EPAS1: variants seen among roughly 807,000 people sequenced by gnomAD.
EPAS1 encodes endothelial PAS domain-containing protein 1.
EPAS1 carries 23 observed loss-of-function variants against 87.9 expected under a neutral mutation model. The ratio of observed to expected loss-of-function variants is 0.26; its 90% CI spans 0.19 to 0.37. EPAS1 has a LOEUF of 0.37. EPAS1 is among the 10% of genes least tolerant of loss of function. The pLI is 1.00. For missense variants in EPAS1, 1,138 were observed against 1,120.7 expected (o/e 1.02, Z -0.22); for synonymous variants, 508 against 444.3 (o/e 1.14, Z -1.80).
Position 46,380,349 on chromosome 2 carries a change from C to A in EPAS1, c.1677C>A (p.Thr559=), listed in dbSNP as rs147377225. The change falls in exon 12 of 16, where the codon ACC becomes ACA. Residue 559 remains threonine (T), a synonymous_variant. Transcript: ENST00000263734. This position sits in a 1 kb window ranked among gnomAD's most constrained non-coding sequence, Gnocchi z 4.4. ...TCTTGGCGGAGAACCCACAGTCCACCCCCCAGCACTGCTTCAGTGCCATGA... is the reference window on the plus strand; with the variant it reads ...TCTTGGCGGAGAACCCACAGTCCACACCCCAGCACTGCTTCAGTGCCATGA... ...ERLLAENPQS[T]PQHCFSAMTN... 61 of 1,614,054 alleles carry A rather than the reference C, an allele frequency of 3.8e-5. No homozygotes were observed. The highest frequency in any genetic ancestry group is 3.6e-5 in the Non-Finnish European group (43 of 1,180,034).
rs1323082444 is a variant in EPAS1, at chr2:46,379,961, TGGGATG to T, written c.1555-261_1555-256del. 5.4e-6 allele frequency: 3 copies of T among 557,032 alleles called. No individual in the cohort carries two copies. In the African/African-American group the frequency reaches 5.7e-5, roughly 11 times the overall value. The allele number at this position is 557,032 out of a possible 1,614,324, so 34.5% of individuals were successfully genotyped here. On this transcript the variant is annotated intron_variant, in intron 11 of 15. Coordinates refer to ENST00000263734, the MANE Select transcript of EPAS1 (RefSeq NM_001430.5). ...AGAGAGAAGGCGGGCTCCGGACAGG[TGGGATG>T]GGGAGAGGAGAACATTTCTCAATGT...
chr2:46,381,266 T>C (rs1684884611), intron 12 of EPAS1: 1 of 397,272 alleles, frequency 2.5e-6, no homozygotes, highest in East Asian at 6.0e-5. Context: ...TACTTGCCCT[T>C]TATAGAGCAG....
At position 46,356,253 on chromosome 2, in the gene EPAS1, A is replaced by G. The variant is rs759569518; in HGVS notation, c.320A>G (p.Asp107Gly). 3.7e-6 allele frequency: 6 copies of G among 1,614,068 alleles called. No individual in the cohort carries two copies. The South Asian group carries it at 6.6e-5, about 18-fold the overall frequency. ...GFIAVVTQDG[D>G]MIFLSENISK... ...ATTGCCGTGGTGACCCAAGATGGCG[A>G]CATGATCTTTCTGTCAGAAAACATC... The change falls in exon 3 of 16, where the codon GAC becomes GGC. Residue 107 changes from aspartate to glycine, a missense_variant. Asp to Gly is a moderately conservative substitution (Grantham distance 94, BLOSUM62 -1). Transcript: ENST00000263734.
At chr2:46,303,297 G>A (rs1683047539) in intron 1 of EPAS1, among the ~76,000 whole-genome samples, 1 of 152,176 alleles carries the variant, frequency 6.6e-6, no homozygotes, top group Admixed American at 6.5e-5. Flanking sequence ...CAGAGTAGGT[G>A]CTGACCACCA....
intron 1 of EPAS1, among the ~76,000 whole-genome samples, chr2:46,329,702 A>G (rs1409089954): frequency 6.6e-6 from 1 of 152,110 alleles, no homozygotes; most frequent in African/African-American, 2.4e-5. Context: ...GGCACCTGTA[A>G]TCCCAGCTAC....
At chr2:46,322,217 A>G (rs1683468864) in intron 1 of EPAS1, among the ~76,000 whole-genome samples, 1 of 152,104 alleles carries the variant, frequency 6.6e-6, no homozygotes, top group Admixed American at 6.5e-5. Context: ...ACAATATACA[A>G]ACCCCTCCTC....
At chr2:46,356,016 ATGGT>A in intron 2 of EPAS1, 131 bp from the exon 3 acceptor site, 1 of 924,500 alleles carries the variant, frequency 1.1e-6, no homozygotes, top group Admixed American at 1.8e-5. Flanking sequence ...AGACATTCAG[ATGGT>A]TGGCAGTATG....
In EPAS1 at chr2:46,297,662, C is replaced by T; in HGVS notation, c.-250C>T. The T allele has an allele frequency of 1.8e-6, 1 of 545,932 alleles. No individual in the cohort carries two copies. The allele number at this position is 545,932 out of a possible 1,614,324, so 33.8% of individuals were successfully genotyped here. A position where few individuals can be genotyped will look rare whatever the true frequency, so the allele number is the denominator to read the frequency against. On this transcript the variant is annotated 5_prime_UTR_variant, in exon 1 of 16. Transcript: ENST00000263734. Reference sequence around the variant, plus strand: ...TCCTCTTTTCGGGTCTGACAGCCTCCACCCACTCCTTCCCCGGACCCCGCC... The same window carrying T: ...TCCTCTTTTCGGGTCTGACAGCCTCTACCCACTCCTTCCCCGGACCCCGCC...
intron 1 of EPAS1, among the ~76,000 whole-genome samples, chr2:46,328,222 G>C (rs1364748475): frequency 6.6e-6 from 1 of 152,192 alleles, no homozygotes; most frequent in African/African-American, 2.4e-5. Context: ...GAAATTGGGG[G>C]CACCTCCTGG....
chr2:46,376,442 G>A, intron 8 of EPAS1, 97 bp from the exon 9 acceptor site: 1 of 1,205,742 alleles, frequency 8.3e-7, no homozygotes, highest in Admixed American at 1.7e-5. Context: ...CCCATTTTTT[G>A]TCGGAGAGCT....
At position 46,297,684 on chromosome 2, in the gene EPAS1, C is replaced by T. The variant is rs916432407; in HGVS notation, c.-228C>T. 2 of 566,694 alleles carry T rather than the reference C, an allele frequency of 3.5e-6. No homozygotes were observed. Among genetic ancestry groups the T allele is most frequent in the Non-Finnish European group, 3.1e-6 (1 of 321,424 alleles). 35.1% of individuals were successfully genotyped at this position (566,694 alleles called of 1,614,324 possible). ...CTCCACCCACTCCTTCCCCGGACCC[C>T]GCCTCCGCGCGCAGGTTCCTCCCAG... On this transcript the variant is annotated 5_prime_UTR_variant, in exon 1 of 16. Transcript: ENST00000263734.
rs1389029519 is a variant in EPAS1 at position 46,384,797 on chromosome 2, G to C, written c.*137G>C. The C allele has an allele frequency of 5.9e-6, 7 of 1,180,458 alleles. No individual in the cohort carries two copies. Among genetic ancestry groups the C allele is most frequent in the Non-Finnish European group, 8.4e-6 (7 of 830,654 alleles). The allele number at this position is 1,180,458 out of a possible 1,614,324, so 73.1% of individuals were successfully genotyped here. On this transcript the variant is annotated 3_prime_UTR_variant, in exon 16 of 16. Transcript: ENST00000263734. ...TGGACTTACCTGGCAGACTTGCCCAGGTCACCAAGCAGTGGCCTTTTTCTG... is the reference window on the plus strand; with the variant it reads ...TGGACTTACCTGGCAGACTTGCCCACGTCACCAAGCAGTGGCCTTTTTCTG...
chr2:46,309,294 G>A (rs986606678), intron 1 of EPAS1, among the ~76,000 whole-genome samples: 7 of 152,312 alleles, frequency 4.6e-5, no homozygotes, highest in South Asian at 2.1e-4. Flanking sequence ...TATGCTGTAC[G>A]GTGAGGTTAC....
At chr2:46,342,850 T>G (rs76181406) in intron 1 of EPAS1, among the ~76,000 whole-genome samples, 1,550 of 152,328 alleles carry the variant, frequency 0.01, 35 homozygotes, top group African/African-American at 0.036. Context: ...TTTGGACATT[T>G]CAGTTTTGTT....
chr2:46,348,659 C>T lies in EPAS1; in HGVS notation c.217+1596C>T, dbSNP rs116698321. Among the ~76,000 whole-genome samples the T allele has an allele frequency of 5.3e-3, 814 of 152,288 alleles. 8 individuals carry two copies. The highest frequency in any genetic ancestry group is 0.018 in the African/African-American group (760 of 41,552). The stretch of plus-strand genomic sequence containing the variant: ...TCCCAATTCCTCCACCCACACAAAG[C>T]CCCAGAAGGGGTAATACAGGTTGAG... On this transcript the variant is annotated intron_variant, in intron 2 of 15. Coordinates refer to ENST00000263734, the MANE Select transcript of EPAS1 (RefSeq NM_001430.5).
chr2:46,384,625 G>A lies in EPAS1; in HGVS notation c.2578G>A (p.Gly860Arg), dbSNP rs769169512. The A allele has an allele frequency of 3.1e-6, 5 of 1,613,954 alleles. No homozygotes were observed. Among genetic ancestry groups the A allele is most frequent in the Non-Finnish European group, 4.2e-6 (5 of 1,180,052 alleles). ...GGGAAGCTCCACGCTCCTGCAAGGA[G>A]GGGACCTCCTCAGAGCCCTGGACCA... ...VLGSSTLLQG[G>R]DLLRALDQAT The change falls in exon 16 of 16, where the codon GGG becomes AGG. Residue 860 changes from glycine to arginine, a missense_variant. Gly to Arg is a moderately radical substitution (Grantham distance 125). Transcript: ENST00000263734.
chr2:46,352,052 G>T (rs1206445929), intron 2 of EPAS1, among the ~76,000 whole-genome samples: 1 of 152,194 alleles, frequency 6.6e-6, no homozygotes, highest in Non-Finnish European at 1.5e-5. Flanking sequence ...AAAGAATCTT[G>T]TTATGCTCCC....
chr2:46,331,544 AC>A (rs1473843533), intron 1 of EPAS1, among the ~76,000 whole-genome samples: 1 of 152,242 alleles, frequency 6.6e-6, no homozygotes, highest in Admixed American at 6.5e-5. Flanking sequence ...GGTTTGGCAG[AC>A]CACCATGGGA....
chr2:46,312,224 C>G (rs1234334854), intron 1 of EPAS1, among the ~76,000 whole-genome samples: 1 of 152,174 alleles, frequency 6.6e-6, no homozygotes, highest in Non-Finnish European at 1.5e-5. Flanking sequence ...GAGTCACCTT[C>G]TCTTTTTTTG....
Sources: allele counts gnomAD v4.1 joint callset (sites outside exome capture counted in the v4.1 genomes callset), GRCh38; gene constraint gnomAD v4.1.1; non-coding constraint Gnocchi (gnomAD v3.1); transcripts MANE v1.5; gene names NCBI Gene and HGNC (gene_info 2026-07-23, HGNC 2026-07-21).